Variants in CDK5RAP2 observed in about 807,000 individuals in gnomAD.
CDK5RAP2 encodes CDK5 regulatory subunit associated protein 2.
A neutral mutation model predicts 232.9 loss-of-function variants in CDK5RAP2; 147 were observed. That is an observed-to-expected ratio of 0.63 (90% CI 0.55 to 0.72). The LOEUF (loss-of-function observed/expected upper bound fraction) is 0.72. Among genes scored for constraint, CDK5RAP2 ranks in the 30% least tolerant of loss-of-function variants. The pLI is 0.00. For synonymous variants in CDK5RAP2, 833 were observed against 833.7 expected, an observed-to-expected ratio of 1.00 and a Z score of 0.01; for missense variants, 2,195 against 2,231.5, an observed-to-expected ratio of 0.98 and a Z score of 0.33.
Position 120,557,637 on chromosome 9 carries a change from T to C in CDK5RAP2, c.196-6735A>G, listed in dbSNP as rs555042981. 2.5e-3 allele frequency among the ~76,000 whole-genome samples: 374 copies of C among 152,072 alleles called. 2 individuals are homozygous for C. The highest frequency in any genetic ancestry group is 2.6e-3 in the Non-Finnish European group (178 of 67,972). The stretch of plus-strand genomic sequence containing the variant: ...AGCTGGGTATAGTGGCACACACCTG[T>C]AGTCCCAGCTACTCGAGTGGCTGAG... On this transcript the variant is annotated intron_variant, in intron 3 of 37. Transcript: ENST00000349780.
At chr9:120,515,704 C>A (rs552939814) in intron 12 of CDK5RAP2, among the ~76,000 whole-genome samples, 2 of 151,996 alleles carry the variant, frequency 1.3e-5, no homozygotes, top group South Asian at 4.2e-4. Context: ...AAAAAGTGGG[C>A]GAAGGATATG....
intron 18 of CDK5RAP2, among the ~76,000 whole-genome samples, chr9:120,467,314 A>AC (rs1312374712): frequency 6.6e-6 from 1 of 152,240 alleles, no homozygotes; most frequent in East Asian, 1.9e-4. Context: ...GTCTGAGACC[A>AC]CATCGCTCAT....
At chr9:120,521,420 C>T (rs910187214) in intron 11 of CDK5RAP2, among the ~76,000 whole-genome samples, 25 of 152,088 alleles carry the variant, frequency 1.6e-4, no homozygotes, top group Non-Finnish European at 1.2e-4. Context: ...ATGGGAGGGA[C>T]CGGGTGGGAG....
intron 25 of CDK5RAP2, among the ~76,000 whole-genome samples, chr9:120,433,788 G>A (rs538145295): frequency 5.9e-5 from 9 of 152,282 alleles, no homozygotes; most frequent in Non-Finnish European, 1.0e-4. Flanking sequence ...TCCCAGCTCT[G>A]CCATTCACTC....
chr9:120,560,874 C>G (rs2042439386), intron 3 of CDK5RAP2, among the ~76,000 whole-genome samples: 1 of 152,102 alleles, frequency 6.6e-6, no homozygotes, highest in Non-Finnish European at 1.5e-5. Context: ...GCCTTGACTT[C>G]CCAAAGTGCT....
chr9:120,415,922 G>C (rs1311607877), intron 27 of CDK5RAP2, among the ~76,000 whole-genome samples: 1 of 152,082 alleles, frequency 6.6e-6, no homozygotes, highest in East Asian at 1.9e-4. Context: ...GTACATTCAT[G>C]ATGATGCAGT....
At chr9:120,411,606 G>C (rs57324140) in intron 28 of CDK5RAP2, 132 bp from the exon 29 acceptor site, 6 of 656,794 alleles carry the variant, frequency 9.1e-6, no homozygotes, top group African/African-American at 1.8e-5. Flanking sequence ...AACTATGTTA[G>C]GAATTACCAG....
intron 28 of CDK5RAP2, among the ~76,000 whole-genome samples, chr9:120,414,655 T>C (rs1023813713): frequency 6.6e-6 from 1 of 151,736 alleles, no homozygotes; most frequent in African/African-American, 2.4e-5. Context: ...TGGCGGGGAG[T>C]GGGCGGTAAT....
At chr9:120,577,339 C>T (rs552317920) in intron 1 of CDK5RAP2, among the ~76,000 whole-genome samples, 1 of 135,656 alleles carries the variant, frequency 7.4e-6, no homozygotes, top group South Asian at 2.4e-4. Flanking sequence ...CCAGCCTGGG[C>T]AACAAAGCGA....
At chr9:120,566,571 G>C (rs2042653798) in intron 3 of CDK5RAP2, among the ~76,000 whole-genome samples, 1 of 152,202 alleles carries the variant, frequency 6.6e-6, no homozygotes, top group South Asian at 2.1e-4. Context: ...AAAGGAAGAA[G>C]CAGTCATGGC....
At chr9:120,505,959 A>G (rs2039790352) in intron 12 of CDK5RAP2, among the ~76,000 whole-genome samples, 1 of 152,262 alleles carries the variant, frequency 6.6e-6, no homozygotes, top group African/African-American at 2.4e-5. Flanking sequence ...AAGTCATCCA[A>G]GAGATCTAAG....
chr9:120,497,680 C>T (rs1363622963), intron 12 of CDK5RAP2, among the ~76,000 whole-genome samples: 2 of 152,188 alleles, frequency 1.3e-5, no homozygotes, highest in Admixed American at 1.3e-4. Flanking sequence ...AAGAAGAGCA[C>T]ATCACTTCCA....
At chr9:120,453,311 G>A (rs2036574641) in intron 21 of CDK5RAP2, 145 bp downstream of exon 21, 1 of 701,840 alleles carries the variant, frequency 1.4e-6, no homozygotes, top group Admixed American at 2.7e-5. Flanking sequence ...GCAGCTCTGG[G>A]TGGAGGCCAG....
At chr9:120,392,929 A>AC (rs1375538846) in intron 36 of CDK5RAP2, among the ~76,000 whole-genome samples, 3 of 151,980 alleles carry the variant, frequency 2.0e-5, no homozygotes, top group East Asian at 3.9e-4. Flanking sequence ...ACACGCATGG[A>AC]CCCCGCCGGT....
At chr9:120,427,359 G>A (rs1185291861) in intron 25 of CDK5RAP2, among the ~76,000 whole-genome samples, 2 of 152,176 alleles carry the variant, frequency 1.3e-5, no homozygotes, top group South Asian at 2.1e-4. Context: ...CATGGGCCAC[G>A]GATTGGACAA....
intron 3 of CDK5RAP2, among the ~76,000 whole-genome samples, chr9:120,553,827 T>C (rs570546761): frequency 4.6e-5 from 7 of 152,224 alleles, no homozygotes; most frequent in Non-Finnish European, 1.0e-4. Flanking sequence ...AGTGGTATAA[T>C]CGCAGCTCAC....
intron 11 of CDK5RAP2, among the ~76,000 whole-genome samples, chr9:120,522,203 A>G (rs1564334622): frequency 6.6e-6 from 1 of 152,246 alleles, no homozygotes; most frequent in South Asian, 2.1e-4. Flanking sequence ...AAAAATCTGA[A>G]TAAGGTCAAA....
chr9:120,461,454 C>T (rs2037082391), intron 18 of CDK5RAP2, among the ~76,000 whole-genome samples: 1 of 152,168 alleles, frequency 6.6e-6, no homozygotes, highest in Admixed American at 6.5e-5. Context: ...CCTGAATTAA[C>T]CAAATTAAAA....
intron 27 of CDK5RAP2, 100 bp from the exon 28 acceptor site, chr9:120,415,259 A>T: frequency 1.5e-6 from 2 of 1,366,916 alleles, no homozygotes; most frequent in Non-Finnish European, 2.1e-6. Context: ...ACAGTATTGG[A>T]TGTGTTAAGA....
Sources: allele counts gnomAD v4.1 joint callset (sites outside exome capture counted in the v4.1 genomes callset), GRCh38; gene constraint gnomAD v4.1.1; transcripts MANE v1.5; gene names NCBI Gene and HGNC (gene_info 2026-07-23, HGNC 2026-07-21).